Variants in RTN1 observed in about 807,000 individuals in gnomAD.
The protein encoded by RTN1 is reticulon-1.
A neutral mutation model predicts 65.5 loss-of-function variants in RTN1; 25 were observed. The observed-to-expected ratio is 0.38, with a 90% CI of 0.28 to 0.53. RTN1 has a LOEUF of 0.53. Ranked by LOEUF, RTN1 falls within the 20% of genes least tolerant of loss-of-function variation. The probability of loss-of-function intolerance (pLI) is 0.79; values close to 1 mark genes in which losing one functional copy is unlikely to be tolerated. For synonymous variants in RTN1, 471 were observed against 447.6 expected, an observed-to-expected ratio of 1.05 and a Z score of -0.66; for missense variants, 983 against 1,025.4, an observed-to-expected ratio of 0.96 and a Z score of 0.57.
intron 1 of RTN1, among the ~76,000 whole-genome samples, chr14:59,818,157 T>A (rs1014276196): frequency 2.6e-5 from 4 of 152,216 alleles, no homozygotes; most frequent in African/African-American, 9.7e-5. Flanking sequence ...TCACTTAGGA[T>A]AATAGCCTCC....
At chr14:59,639,279 A>C (rs1311707482) in intron 3 of RTN1, among the ~76,000 whole-genome samples, 5 of 152,234 alleles carry the variant, frequency 3.3e-5, no homozygotes, top group Non-Finnish European at 7.3e-5. Context: ...CAGTTGTCAT[A>C]ACTAGAAAAG....
chr14:59,724,446 T>C (rs1884713940), intron 3 of RTN1, among the ~76,000 whole-genome samples: 2 of 152,214 alleles, frequency 1.3e-5, no homozygotes, highest in Admixed American at 1.3e-4. Flanking sequence ...ATAAAATTAA[T>C]GCATGCATAC....
intron 1 of RTN1, among the ~76,000 whole-genome samples, chr14:59,834,765 A>G (rs1481543427): frequency 1.3e-5 from 2 of 152,206 alleles, no homozygotes; most frequent in African/African-American, 4.8e-5. Context: ...ATTCAAAATG[A>G]TGATCCATTA....
At chr14:59,780,626 T>TTTTTG (rs1279236315) in intron 1 of RTN1, among the ~76,000 whole-genome samples, 4 of 151,984 alleles carry the variant, frequency 2.6e-5, no homozygotes, top group Non-Finnish European at 4.4e-5. Context: ...TCACAGACTA[T>TTTTTG]TTTTGTTTTG....
At chr14:59,784,550 T>G (rs1165920672) in intron 1 of RTN1, among the ~76,000 whole-genome samples, 1 of 152,216 alleles carries the variant, frequency 6.6e-6, no homozygotes, top group East Asian at 1.9e-4. Flanking sequence ...AGATTTTTGC[T>G]GTTTGTCTTT....
intron 4 of RTN1, chr14:59,606,106 A>ATT (rs1881740366): frequency 2.7e-5 from 1 of 36,380 alleles, no homozygotes; most frequent in African/African-American, 1.2e-4. Flanking sequence ...AAAACATGAT[A>ATT]TATATATATA....
At chr14:59,847,618 T>G (rs17096699) in intron 1 of RTN1, among the ~76,000 whole-genome samples, 32,657 of 152,156 alleles carry the variant, frequency 0.21, 3,914 homozygotes, top group East Asian at 0.5. Context: ...GCAAAACAAT[T>G]ATCTGCTTTC....
At chr14:59,654,520 T>G (rs1259958745) in intron 3 of RTN1, among the ~76,000 whole-genome samples, 1 of 147,750 alleles carries the variant, frequency 6.8e-6, no homozygotes. Flanking sequence ...AAAAAGTCAT[T>G]ATGAAAAAAA....
At chr14:59,799,837 C>T (rs986448796) in intron 1 of RTN1, among the ~76,000 whole-genome samples, 1 of 152,108 alleles carries the variant, frequency 6.6e-6, no homozygotes, top group African/African-American at 2.4e-5. Context: ...GGATTCCGTA[C>T]TTTTCAAGAG....
At chr14:59,673,264 G>A (rs908183397) in intron 3 of RTN1, among the ~76,000 whole-genome samples, 2 of 152,142 alleles carry the variant, frequency 1.3e-5, no homozygotes, top group African/African-American at 4.8e-5. Context: ...TGTGTTCCGT[G>A]AGTGGGAGGG....
chr14:59,725,254 C>T (rs971864274), intron 3 of RTN1, among the ~76,000 whole-genome samples: 2 of 152,228 alleles, frequency 1.3e-5, no homozygotes, highest in Non-Finnish European at 2.9e-5. Context: ...TTCTCTTTAG[C>T]CCTCAGATTT....
At chr14:59,801,902 T>C (rs1038657874) in intron 1 of RTN1, among the ~76,000 whole-genome samples, 5 of 152,214 alleles carry the variant, frequency 3.3e-5, no homozygotes, top group African/African-American at 1.2e-4. Flanking sequence ...AGGAAAAAAG[T>C]ATCCCAGTCA....
chr14:59,716,887 G>A (rs2139462878), intron 3 of RTN1, among the ~76,000 whole-genome samples: 1 of 151,428 alleles, frequency 6.6e-6, no homozygotes, highest in South Asian at 2.1e-4. Flanking sequence ...AGAATGGCGT[G>A]AACCCAGGAG....
At chr14:59,616,581 T>A (rs1212058325) in intron 3 of RTN1, among the ~76,000 whole-genome samples, 1 of 152,190 alleles carries the variant, frequency 6.6e-6, no homozygotes, top group East Asian at 1.9e-4. Flanking sequence ...TTCTATAATG[T>A]TGATACAATT....
intron 2 of RTN1, among the ~76,000 whole-genome samples, chr14:59,730,147 T>C (rs751104625): frequency 5.0e-4 from 76 of 152,230 alleles, no homozygotes; most frequent in Non-Finnish European, 1.0e-3. Flanking sequence ...GCTAGGACCC[T>C]AGATGATATA....
chr14:59,605,615 C>T, intron 4 of RTN1, 109 bp from the exon 5 acceptor site: 11 of 1,154,232 alleles, frequency 9.5e-6, no homozygotes, highest in Non-Finnish European at 1.4e-5. Context: ...AGGGTGAGAG[C>T]AGGAGTCATC....
chr14:59,755,961 G>A (rs57411321), intron 1 of RTN1, among the ~76,000 whole-genome samples: 9,398 of 152,198 alleles, frequency 0.062, 895 homozygotes, highest in African/African-American at 0.2. Context: ...TTTCGCTTTT[G>A]GTTTTGCAAA....
chr14:59,681,053 G>C (rs1367943913), intron 3 of RTN1, among the ~76,000 whole-genome samples: 1 of 152,000 alleles, frequency 6.6e-6, no homozygotes, highest in African/African-American at 2.4e-5. Context: ...TCTTTTATAA[G>C]TTTCTATATT....
rs140945298 is a variant in RTN1 at position 59,724,190 on chromosome 14, G to C, written c.1765+2729C>G. ...ACAAGGAGGAAAACTGAAGCATGAA[G>C]AAAGAACTGCGTTTTGTCTCCAGTG... On this transcript the variant is annotated intron_variant, in intron 3 of 8. Coordinates refer to ENST00000267484, the MANE Select transcript of RTN1 (RefSeq NM_021136.3). Among the ~76,000 whole-genome samples, 298 of 152,302 alleles carry C rather than the reference G, an allele frequency of 2.0e-3. 3 individuals are homozygous for C. Among genetic ancestry groups the C allele is most frequent in the Non-Finnish European group, 1.2e-3 (82 of 68,040 alleles).
Sources: gnomAD v4.1 joint callset for allele counts (sites outside exome capture counted in the v4.1 genomes callset) on GRCh38, gnomAD v4.1.1 for gene constraint, MANE v1.5 for transcripts, NCBI Gene and HGNC (gene_info 2026-07-23, HGNC 2026-07-21) for gene names.